The following LNP1 variants were observed in gnomAD, a reference collection of about 807,000 sequenced individuals.
LNP1 encodes leukemia NUP98 fusion partner 1.
A neutral mutation model predicts 14.5 loss-of-function variants in LNP1; 12 were observed. That is an observed-to-expected ratio of 0.83 (90% CI 0.53 to 1.34). The LOEUF (loss-of-function observed/expected upper bound fraction) is 1.34, where lower values mean the gene tolerates loss of function less well. Ranked by LOEUF, LNP1 falls within the 40% of genes most tolerant of loss-of-function variation. The pLI is 0.00. For missense variants in LNP1, 198 were observed against 210.9 expected (o/e 0.94, Z 0.38); for synonymous variants, 75 against 71.4 (o/e 1.05, Z -0.26).
At position 100,456,071 on chromosome 3, in the gene LNP1, A is replaced by G. The variant is rs562629500; in HGVS notation, c.*145A>G. The G allele has an allele frequency of 3.9e-6, 3 of 769,560 alleles. No homozygotes were observed. In the African/African-American group the frequency reaches 5.2e-5, roughly 13 times the overall value. The allele number at this position is 769,560 out of a possible 1,614,324, so 47.7% of individuals were successfully genotyped here. ...GCAACTGCAGATGCTGACTGACTGC[A>G]GTGGGCAGGGTATGTAGCTGCTCCA... On this transcript the variant is annotated 3_prime_UTR_variant, in exon 4 of 4. Coordinates refer to ENST00000383693, the MANE Select transcript of LNP1 (RefSeq NM_001085451.2).
intron 1 of LNP1, among the ~76,000 whole-genome samples, chr3:100,415,357 G>A (rs1008728773): frequency 6.6e-6 from 1 of 152,104 alleles, no homozygotes; most frequent in Admixed American, 6.6e-5. Flanking sequence ...TAAAAGAAGT[G>A]CAAATGGAAA....
intron 2 of LNP1, among the ~76,000 whole-genome samples, chr3:100,434,516 C>CT (rs954147390): frequency 2.7e-3 from 396 of 147,804 alleles, no homozygotes; most frequent in African/African-American, 8.9e-3. Context: ...GTGATGCCTC[C>CT]TTTTTTTTTT....
intron 2 of LNP1, among the ~76,000 whole-genome samples, chr3:100,440,119 G>A (rs763905097): frequency 9.9e-5 from 15 of 152,184 alleles, no homozygotes; most frequent in Non-Finnish European, 1.6e-4. Context: ...TCTTCTGACA[G>A]TGAGCAACTC....
intron 1 of LNP1, among the ~76,000 whole-genome samples, chr3:100,414,698 T>C (rs1385150987): frequency 6.6e-6 from 1 of 152,154 alleles, no homozygotes; most frequent in African/African-American, 2.4e-5. Context: ...AGGGGCCACA[T>C]AGCAAGGAAC....
chr3:100,438,514 C>A (rs950753050), intron 2 of LNP1, among the ~76,000 whole-genome samples: 2 of 152,260 alleles, frequency 1.3e-5, no homozygotes, highest in Admixed American at 6.5e-5. Flanking sequence ...ATTCACTCTT[C>A]CTGTTGTACA....
intron 1 of LNP1, among the ~76,000 whole-genome samples, chr3:100,412,372 C>T (rs1707039231): frequency 6.6e-6 from 1 of 152,192 alleles, no homozygotes; most frequent in African/African-American, 2.4e-5. Flanking sequence ...CCAACTGCCA[C>T]ATTTGGGATG....
intron 2 of LNP1, among the ~76,000 whole-genome samples, chr3:100,440,541 T>C (rs1248747441): frequency 6.6e-6 from 1 of 152,204 alleles, no homozygotes; most frequent in African/African-American, 2.4e-5. Flanking sequence ...ACATTTTTTT[T>C]GCTACCCTGA....
chr3:100,422,182 CTTTTTT>C (rs35862297), intron 1 of LNP1, among the ~76,000 whole-genome samples: 1 of 101,614 alleles, frequency 9.8e-6, no homozygotes, highest in Non-Finnish European at 1.9e-5. Context: ...TTGATAAAGT[CTTTTTT>C]TTTTTTTTTT....
At chr3:100,447,051 AG>A (rs1707395198) in intron 2 of LNP1, among the ~76,000 whole-genome samples, 1 of 152,206 alleles carries the variant, frequency 6.6e-6, no homozygotes, top group African/African-American at 2.4e-5. Flanking sequence ...CAATTCCTCA[AG>A]GATCTAGAAC....
intron 3 of LNP1, 83 bp downstream of exon 3, chr3:100,452,032 C>A (rs1707465206): frequency 1.3e-6 from 1 of 768,562 alleles, no homozygotes; most frequent in Non-Finnish European, 2.1e-6. Flanking sequence ...TTGAGGGGAA[C>A]AAATGTAACT....
chr3:100,405,171 T>G (rs1706953640), intron 1 of LNP1, among the ~76,000 whole-genome samples: 1 of 152,152 alleles, frequency 6.6e-6, no homozygotes, highest in Non-Finnish European at 1.5e-5. Flanking sequence ...TTTTTAGACC[T>G]CTCTCTTTTT....
At chr3:100,447,313 G>T (rs1366322020) in intron 2 of LNP1, among the ~76,000 whole-genome samples, 4 of 152,142 alleles carry the variant, frequency 2.6e-5, no homozygotes, top group Non-Finnish European at 4.4e-5. Context: ...CATGGATGAA[G>T]TTGGAAATCA....
At chr3:100,415,021 C>G (rs2148900006) in intron 1 of LNP1, among the ~76,000 whole-genome samples, 1 of 152,188 alleles carries the variant, frequency 6.6e-6, no homozygotes, top group African/African-American at 2.4e-5. Flanking sequence ...ATACCATACA[C>G]AAAATGGCAA....
chr3:100,440,638 C>G (rs963023027), intron 2 of LNP1, among the ~76,000 whole-genome samples: 1 of 152,164 alleles, frequency 6.6e-6, no homozygotes, highest in African/African-American at 2.4e-5. Context: ...ATTTCCCTTT[C>G]TTCTATTCTT....
chr3:100,422,803 C>CTTTTTTTTTTT (rs557593118), intron 1 of LNP1, among the ~76,000 whole-genome samples: 1 of 69,054 alleles, frequency 1.4e-5, no homozygotes, highest in African/African-American at 5.2e-5. Context: ...TTTGTCTCCT[C>CTTTTTTTTTTT]TTTTTTTTTT....
chr3:100,415,020 A>G (rs1707067672), intron 1 of LNP1, among the ~76,000 whole-genome samples: 1 of 152,242 alleles, frequency 6.6e-6, no homozygotes, highest in Non-Finnish European at 1.5e-5. Context: ...CATACCATAC[A>G]CAAAATGGCA....
chr3:100,416,370 GC>G (rs1248199852), intron 1 of LNP1, among the ~76,000 whole-genome samples: 1 of 152,078 alleles, frequency 6.6e-6, no homozygotes, highest in Non-Finnish European at 1.5e-5. Flanking sequence ...TTTATTTCCT[GC>G]AACAGACCAG....
chr3:100,449,846 C>G (rs1412401520), intron 2 of LNP1, among the ~76,000 whole-genome samples: 3 of 151,866 alleles, frequency 2.0e-5, no homozygotes, highest in Non-Finnish European at 4.4e-5. Context: ...TCAGAAGTAC[C>G]AAGTATCAAA....
intron 1 of LNP1, among the ~76,000 whole-genome samples, chr3:100,409,961 A>G (rs989816917): frequency 1.7e-5 from 2 of 118,846 alleles, no homozygotes; most frequent in African/African-American, 2.9e-5. Flanking sequence ...GCTTACATCT[A>G]TCTATCTATC....
Sources: gnomAD v4.1 joint callset for allele counts (sites outside exome capture counted in the v4.1 genomes callset) on GRCh38, gnomAD v4.1.1 for gene constraint, MANE v1.5 for transcripts, NCBI Gene and HGNC (gene_info 2026-07-23, HGNC 2026-07-21) for gene names.